NPHP4: variants seen among roughly 807,000 people sequenced by gnomAD.
The protein encoded by NPHP4 is nephrocystin 4.
In NPHP4, 151 loss-of-function variants were observed where a neutral mutation model predicts 155.8. The ratio of observed to expected loss-of-function variants is 0.97; its 90% CI spans 0.85 to 1.11. The LOEUF is 1.11. Ranked by LOEUF, NPHP4 falls within the 50% of genes least tolerant of loss-of-function variation. NPHP4 has a pLI of 0.00. For synonymous variants in NPHP4, 845 were observed against 816.8 expected (o/e 1.03, Z -0.59); for missense variants, 1,956 against 1,925.7 (o/e 1.02, Z -0.29).
chr1:5,907,143 TG>T lies in NPHP4; in HGVS notation c.1582del (p.His528MetfsTer26). The T allele has an allele frequency of 6.4e-7, 1 of 1,569,586 alleles. No homozygotes were observed. On this transcript the variant is annotated frameshift_variant, in exon 13 of 30. Transcript: ENST00000378156. LOFTEE classifies it high-confidence loss of function. ...CLARPTSQLP[H>X]GSQASPAQAQ... ...CTGGGCCGGGGAGGCCTGAGAGCCA[TG>T]GGGTAGCTGTGAAGTAGGCCTGGCC...
chr1:5,874,343 T>A, intron 22 of NPHP4, 128 bp downstream of exon 22: 1 of 884,576 alleles, frequency 1.1e-6, no homozygotes, highest in South Asian at 2.1e-5. Context: ...CCAAGGGGAG[T>A]GGGCGGCAGC....
intron 27 of NPHP4, 120 bp from the exon 28 acceptor site, chr1:5,864,637 G>T: frequency 1.0e-6 from 1 of 952,586 alleles, no homozygotes; most frequent in Non-Finnish European, 1.5e-6. Flanking sequence ...GTTCCGGGGC[G>T]GCCAAATCTG....
intron 23 of NPHP4, among the ~76,000 whole-genome samples, chr1:5,869,617 G>T (rs1360978144): frequency 6.6e-6 from 1 of 152,168 alleles, no homozygotes; most frequent in Admixed American, 6.5e-5. Context: ...TAAATCACAG[G>T]ACACAAAGGA....
intron 18 of NPHP4, among the ~76,000 whole-genome samples, chr1:5,883,913 C>G (rs781651194): frequency 6.6e-6 from 1 of 152,130 alleles, no homozygotes; most frequent in South Asian, 2.1e-4. Context: ...AGCTCAGACT[C>G]GAAGGACACC....
chr1:5,976,281 C>A (rs2312050), intron 3 of NPHP4, among the ~76,000 whole-genome samples: 39,022 of 152,072 alleles, frequency 0.26, 5,330 homozygotes, highest in African/African-American at 0.36. Context: ...GGATACTGAC[C>A]TCCACAGGAG....
chr1:5,941,804 C>T (rs578012137), intron 9 of NPHP4, among the ~76,000 whole-genome samples: 10 of 152,292 alleles, frequency 6.6e-5, no homozygotes, highest in Admixed American at 2.0e-4. Context: ...TGAGTCCAGA[C>T]CCATGTGCGC....
In NPHP4 at chr1:5,864,372, A is replaced by G; in HGVS notation, c.3962T>C (p.Val1321Ala). The change falls in exon 28 of 30, where the codon GTG becomes GCG. Residue 1321 changes from valine to alanine, a missense_variant. Val to Ala is a moderately conservative substitution (Grantham distance 64, BLOSUM62 0). Transcript: ENST00000378156. The stretch of plus-strand genomic sequence containing the variant: ...GAGCGGCTGGCGGCAGCAGAGGCAC[A>G]CGAGCCAGGAGGCCACCAGCTGGTG... The part of the protein sequence containing the change: ...DCHQLVASWL[V>A]CLCCRQPLIS... 6.2e-7 allele frequency: 1 copy of G among 1,609,546 alleles called. No individual in the cohort carries two copies. The highest frequency in any genetic ancestry group is 8.5e-7 in the Non-Finnish European group (1 of 1,178,088).
At chr1:5,935,479 C>T (rs1463931797) in intron 9 of NPHP4, among the ~76,000 whole-genome samples, 1 of 152,254 alleles carries the variant, frequency 6.6e-6, no homozygotes, top group Non-Finnish European at 1.5e-5. Context: ...AAAACAATGT[C>T]TTCCTGTTCC....
In NPHP4 at chr1:5,949,289, A is replaced by G. The variant is rs77840994; in HGVS notation, c.811-1038T>C. ...TTTACATAAGACCATATTATGTAGA[A>G]CTGCATTTTCAAGAACGGGTAGGGA... On this transcript the variant is annotated intron_variant, in intron 7 of 29. Coordinates refer to ENST00000378156, the MANE Select transcript of NPHP4 (RefSeq NM_015102.5). 1.4e-4 allele frequency among the ~76,000 whole-genome samples: 21 copies of G among 150,126 alleles called. No homozygotes were observed. In the East Asian group the frequency reaches 4.0e-3, roughly 28 times the overall value.
intron 10 of NPHP4, among the ~76,000 whole-genome samples, chr1:5,932,801 C>G (rs1309713926): frequency 6.6e-6 from 1 of 152,020 alleles, no homozygotes; most frequent in Non-Finnish European, 1.5e-5. Flanking sequence ...AGCACTCATC[C>G]ACCAAAAAAC....
Position 5,884,359 on chromosome 1 carries a change from G to A in NPHP4, c.2485+2927C>T, listed in dbSNP as rs111631031. ...TGAGAACACAGACGCTTAGCCTGTG[G>A]GGCCATCTGTCCTGACGCCTGCCTC... On this transcript the variant is annotated intron_variant, in intron 18 of 29. Transcript: ENST00000378156. Among the ~76,000 whole-genome samples, 490 of 152,236 alleles carry A rather than the reference G, an allele frequency of 3.2e-3. 3 individuals are homozygous for A. Among genetic ancestry groups the A allele is most frequent in the African/African-American group, 0.011 (462 of 41,532 alleles).
intron 3 of NPHP4, among the ~76,000 whole-genome samples, chr1:5,975,211 C>A (rs1653327892): frequency 6.6e-6 from 1 of 152,200 alleles, no homozygotes; most frequent in South Asian, 2.1e-4. Flanking sequence ...CATGTTTGCA[C>A]ACACAGTTAA....
chr1:5,917,037 T>C (rs993548910), intron 11 of NPHP4, among the ~76,000 whole-genome samples: 2 of 152,214 alleles, frequency 1.3e-5, no homozygotes, highest in Non-Finnish European at 2.9e-5. Flanking sequence ...GACCCTGGAC[T>C]GGGATCGGGA....
chr1:5,953,914 CTTTT>C (rs1648684758), intron 6 of NPHP4, among the ~76,000 whole-genome samples: 2 of 152,138 alleles, frequency 1.3e-5, no homozygotes, highest in South Asian at 4.1e-4. Flanking sequence ...TTTTAATGAT[CTTTT>C]ACTTATGTAG....
At position 5,948,209 on chromosome 1, in the gene NPHP4, G is replaced by A. The variant is rs201680615; in HGVS notation, c.853C>T (p.Arg285Trp). 1.0e-4 allele frequency: 164 copies of A among 1,600,192 alleles called. No individual in the cohort carries two copies. Among genetic ancestry groups the A allele is most frequent in the Middle Eastern group, 1.6e-4 (1 of 6,070 alleles). The change falls in exon 8 of 30, where the codon CGG becomes TGG. Residue 285 changes from arginine (R) to tryptophan (W), a missense_variant. By Grantham distance (101) the Arg-to-Trp change is moderately radical. Transcript: ENST00000378156. The part of the protein sequence containing the change: ...LDGGALEILE[R>W]RLRVGVHNGL... ...TTGTGCACGCCCACACGCAGGCGCC[G>A]CTCCAGGATCTCCAGGGCACCACCG...
rs1240293150 is a variant in NPHP4 at position 5,992,364 on chromosome 1, G to A, written c.-159C>T. On this transcript the variant is annotated 5_prime_UTR_variant, in exon 1 of 30. Coordinates refer to ENST00000378156, the MANE Select transcript of NPHP4 (RefSeq NM_015102.5). Reference sequence around the variant, plus strand: ...TGCTCAACGGAGCCACAAGCCTGAGGACCGAGGACTGGCCGAGGGGCGCGC... The same window carrying A: ...TGCTCAACGGAGCCACAAGCCTGAGAACCGAGGACTGGCCGAGGGGCGCGC... 1 of 152,132 alleles carries A rather than the reference G, an allele frequency of 6.6e-6. No homozygotes were observed. Among genetic ancestry groups the A allele is most frequent in the African/African-American group, 2.4e-5 (1 of 41,432 alleles). 9.4% of individuals were successfully genotyped at this position (152,132 alleles called of 1,614,324 possible). A position where few individuals can be genotyped will look rare whatever the true frequency, so the allele number is the denominator to read the frequency against.
At chr1:5,965,264 GAGTGTATTGCCATTACC>G (rs1309542362) in intron 5 of NPHP4, among the ~76,000 whole-genome samples, 1 of 151,986 alleles carries the variant, frequency 6.6e-6, no homozygotes, top group African/African-American at 2.4e-5. Context: ...TGAATCATGT[GAGTGTATTGCCATTACC>G]AGCAAATTTT....
chr1:5,911,227 C>T (rs1486078203), intron 11 of NPHP4, among the ~76,000 whole-genome samples: 1 of 151,980 alleles, frequency 6.6e-6, no homozygotes, highest in Non-Finnish European at 1.5e-5. Context: ...CTGAGTGCCT[C>T]TTACAGTCCA....
At chr1:5,880,355 C>T (rs778498154) in intron 18 of NPHP4, 116 bp from the exon 19 acceptor site, 29 of 986,128 alleles carry the variant, frequency 2.9e-5, no homozygotes, top group South Asian at 1.1e-4. Flanking sequence ...CACCCTGACA[C>T]GCTAAGGCCC....
Sources: gnomAD v4.1 joint callset for allele counts (sites outside exome capture counted in the v4.1 genomes callset) on GRCh38, gnomAD v4.1.1 for gene constraint, MANE v1.5 for transcripts, NCBI Gene and HGNC (gene_info 2026-07-23, HGNC 2026-07-21) for gene names.